Variants in MAN2A1 observed in about 807,000 individuals in gnomAD.
The protein encoded by MAN2A1 is alpha-mannosidase 2.
Under a neutral mutation model 142.6 loss-of-function variants are expected in MAN2A1, and 76 were observed. The observed-to-expected ratio is 0.53, with a 90% CI of 0.44 to 0.65. The LOEUF (loss-of-function observed/expected upper bound fraction) is 0.65, where lower values mean the gene tolerates loss of function less well. Ranked by LOEUF, MAN2A1 falls within the 30% of genes least tolerant of loss-of-function variation. The pLI, the probability that MAN2A1 is intolerant of heterozygous loss-of-function variation, is 0.00. For missense variants in MAN2A1, 1,311 were observed against 1,365.1 expected (o/e 0.96, Z 0.62); for synonymous variants, 559 against 473.2 (o/e 1.18, Z -2.35).
At chr5:109,710,451 G>A (rs1453340864) in intron 1 of MAN2A1, among the ~76,000 whole-genome samples, 2 of 152,052 alleles carry the variant, frequency 1.3e-5, no homozygotes, top group African/African-American at 4.8e-5. Flanking sequence ...AGAAATGTGG[G>A]CACTCATGTA....
intron 4 of MAN2A1, among the ~76,000 whole-genome samples, chr5:109,751,291 A>G (rs1415650006): frequency 6.6e-6 from 1 of 151,442 alleles, no homozygotes; most frequent in African/African-American, 2.4e-5. Flanking sequence ...TAATAGAATG[A>G]CCTCCAGTTT....
intron 7 of MAN2A1, among the ~76,000 whole-genome samples, chr5:109,772,768 C>T (rs1006923587): frequency 6.6e-6 from 1 of 152,140 alleles, no homozygotes. Flanking sequence ...CCTCGCCCTC[C>T]CAAAGTGCTG....
chr5:109,807,853 G>A (rs1754209315), intron 12 of MAN2A1, among the ~76,000 whole-genome samples: 1 of 152,154 alleles, frequency 6.6e-6, no homozygotes, highest in African/African-American at 2.4e-5. Context: ...GGATCTATCT[G>A]TCTTCACCTT....
chr5:109,823,988 ACC>A, intron 16 of MAN2A1, 151 bp downstream of exon 16: 1 of 496,590 alleles, frequency 2.0e-6, no homozygotes, highest in Non-Finnish European at 3.5e-6. Flanking sequence ...TATGAAACTT[ACC>A]CTTTGATAAT....
intron 16 of MAN2A1, among the ~76,000 whole-genome samples, chr5:109,829,692 C>T (rs963385708): frequency 6.6e-6 from 1 of 152,158 alleles, no homozygotes; most frequent in Non-Finnish European, 1.5e-5. Flanking sequence ...TTTAAAATTT[C>T]CATTGAAAGC....
Position 109,855,253 on chromosome 5 carries a change from G to T in MAN2A1, c.3090G>T (p.Glu1030Asp). Residue 1030 changes from glutamate (E) to aspartate (D), a missense_variant, in exon 20 of 22, where the codon GAG becomes GAT. Physicochemically the swap from Glu to Asp is conservative, Grantham distance 45 (BLOSUM62 2). This residue lies in a region of MAN2A1 where 890 missense variants were observed against 920.5 expected (regional missense o/e 0.97). Coordinates refer to ENST00000261483, the MANE Select transcript of MAN2A1 (RefSeq NM_002372.4). ...MANKFSSPTL[E>D]LQGEFSPLQS... is the part of the protein sequence containing the mutation. ...ATAAGTTCTCCTCACCTACCCTTGA[G>T]CTGCAAGGTGAATTCTCTCCATTAC... 1.2e-6 allele frequency: 2 copies of T among 1,607,278 alleles called. No homozygotes were observed. The highest frequency in any genetic ancestry group is 8.5e-7 in the Non-Finnish European group (1 of 1,177,462).
chr5:109,708,346 G>T (rs1163026374), intron 1 of MAN2A1, among the ~76,000 whole-genome samples: 1 of 152,100 alleles, frequency 6.6e-6, no homozygotes, highest in Non-Finnish European at 1.5e-5. Context: ...AGCAGATGCT[G>T]ATTGTAATGG....
rs936454922 is a variant in MAN2A1, at chr5:109,700,528, T to G, written c.135+9976T>G. 2.3e-4 allele frequency among the ~76,000 whole-genome samples: 35 copies of G among 152,214 alleles called. No individual in the cohort carries two copies. The Middle Eastern group carries it at 0.017, about 74-fold the overall frequency. On this transcript the variant is annotated intron_variant, in intron 1 of 21. Coordinates refer to ENST00000261483, the MANE Select transcript of MAN2A1 (RefSeq NM_002372.4). The stretch of plus-strand genomic sequence containing the variant: ...TTTTACCTGTAGAGCATCGGAACAT[T>G]GAAGACTGAGAATGTGAATCATTCT...
intron 12 of MAN2A1, among the ~76,000 whole-genome samples, chr5:109,813,240 G>A (rs963889033): frequency 6.6e-6 from 1 of 152,128 alleles, no homozygotes; most frequent in African/African-American, 2.4e-5. Flanking sequence ...TGAGGAGAGA[G>A]GCTCTCTGGG....
intron 12 of MAN2A1, among the ~76,000 whole-genome samples, chr5:109,792,559 G>T (rs567257543): frequency 6.6e-6 from 1 of 152,138 alleles, no homozygotes; most frequent in South Asian, 2.1e-4. Flanking sequence ...TGACCTGATG[G>T]TCAAATGTTT....
chr5:109,727,267 G>C (rs973176680), intron 3 of MAN2A1, among the ~76,000 whole-genome samples: 13 of 152,024 alleles, frequency 8.6e-5, no homozygotes, highest in Non-Finnish European at 1.6e-4. Flanking sequence ...TCAAGGTGTT[G>C]GCAGGGTTGA....
chr5:109,714,067 T>G (rs188648902), intron 2 of MAN2A1, among the ~76,000 whole-genome samples: 2 of 152,150 alleles, frequency 1.3e-5, no homozygotes, highest in Non-Finnish European at 2.9e-5. Flanking sequence ...TTTAAAGGTT[T>G]AAATTTTGCC....
chr5:109,714,446 C>T (rs1029924917), intron 2 of MAN2A1, among the ~76,000 whole-genome samples: 3 of 152,180 alleles, frequency 2.0e-5, no homozygotes, highest in Admixed American at 6.5e-5. Flanking sequence ...TTAATTTCAA[C>T]TGCTTTGTTT....
chr5:109,789,108 C>T (rs1038301411), intron 11 of MAN2A1, 60 bp downstream of exon 11: 11 of 825,866 alleles, frequency 1.3e-5, no homozygotes, highest in Non-Finnish European at 1.9e-5. Context: ...CTTGCATTAG[C>T]AAAGAGGATG....
rs139792667 is a variant in MAN2A1, at chr5:109,808,964, A to C, written c.1944-8309A>C. ...GTGATCTGCCTGCCTCGGCCTCCCA[A>C]AGTGCTAGGATTACAGGCATGAGCC... On this transcript the variant is annotated intron_variant, in intron 12 of 21. Coordinates refer to ENST00000261483, the MANE Select transcript of MAN2A1 (RefSeq NM_002372.4). Among the ~76,000 whole-genome samples, 772 of 152,108 alleles carry C rather than the reference A, an allele frequency of 5.1e-3. 8 individuals are homozygous for C. Among genetic ancestry groups the C allele is most frequent in the African/African-American group, 0.018 (733 of 41,506 alleles).
chr5:109,690,649 C>T, intron 1 of MAN2A1, 97 bp downstream of exon 1: 4 of 1,381,372 alleles, frequency 2.9e-6, no homozygotes, highest in Admixed American at 2.0e-5. Context: ...CGCCGCGGCC[C>T]CACACCCGTG....
At position 109,867,118 on chromosome 5, in the gene MAN2A1, TC is replaced by T. The variant is rs1755904685; in HGVS notation, c.*121del. On this transcript the variant is annotated 3_prime_UTR_variant, in exon 22 of 22. Transcript: ENST00000261483. ...ACTGTGAGAACATGAATTCTGTGAT[TC>T]TGTGGGTTTTTTCTTTTTTCTTTTA... 1 of 641,236 alleles carries T rather than the reference TC, an allele frequency of 1.6e-6. No homozygotes were observed. Among genetic ancestry groups the T allele is most frequent in the Admixed American group, 3.1e-5 (1 of 31,814 alleles). The allele number at this position is 641,236 out of a possible 1,614,324, so 39.7% of individuals were successfully genotyped here. A position where few individuals can be genotyped will look rare whatever the true frequency, so the allele number is the denominator to read the frequency against.
chr5:109,790,463 G>A (rs942589557), intron 12 of MAN2A1, among the ~76,000 whole-genome samples: 5 of 151,790 alleles, frequency 3.3e-5, no homozygotes, highest in African/African-American at 2.4e-5. Context: ...TCCTTAGAAC[G>A]AGATAATAAG....
chr5:109,778,452 C>G (rs537859859), intron 8 of MAN2A1, among the ~76,000 whole-genome samples: 1 of 151,976 alleles, frequency 6.6e-6, no homozygotes, highest in Non-Finnish European at 1.5e-5. Context: ...AGAAAACATT[C>G]GTTAGTCATA....
Sources: allele counts gnomAD v4.1 joint callset (sites outside exome capture counted in the v4.1 genomes callset), GRCh38; gene constraint gnomAD v4.1.1; regional missense constraint gnomAD v4.1.1; transcripts MANE v1.5; gene names NCBI Gene and HGNC (gene_info 2026-07-23, HGNC 2026-07-21).